SCAF8: variants seen among roughly 807,000 people sequenced by gnomAD.
SCAF8 encodes SR-related CTD associated factor 8, also known as SR-related and CTD-associated factor 8.
In SCAF8, 23 loss-of-function variants were observed where a neutral mutation model predicts 140.5. The ratio of observed to expected loss-of-function variants is 0.16; its 90% CI spans 0.12 to 0.23. SCAF8 has a LOEUF of 0.23. Ranked by LOEUF, SCAF8 falls within the 10% of genes least tolerant of loss-of-function variation. The probability of loss-of-function intolerance (pLI) is 1.00; values close to 1 mark genes in which losing one functional copy is unlikely to be tolerated. For synonymous variants in SCAF8, 575 were observed against 528.9 expected, an observed-to-expected ratio of 1.09 and a Z score of -1.20; for missense variants, 1,397 against 1,555.7, an observed-to-expected ratio of 0.90 and a Z score of 1.72.
intron 15 of SCAF8, 32 bp downstream of exon 15, chr6:154,820,365 A>T: frequency 1.3e-6 from 2 of 1,568,910 alleles, no homozygotes; most frequent in Non-Finnish European, 1.7e-6. Context: ...TATTGTTAAA[A>T]AAAAGTATGC....
In SCAF8 at chr6:154,787,788, T is replaced by A. The variant is rs1777295271; in HGVS notation, c.160-73T>A. ...AATGTCTTTGTATTTACACAGGATT[T>A]TTGATGATTTTTGTCTATCAAGAAT... On this transcript the variant is annotated intron_variant, in intron 3 of 19. Coordinates refer to ENST00000367178, the MANE Select transcript of SCAF8 (RefSeq NM_014892.5). 1.7e-5 allele frequency: 21 copies of A among 1,263,706 alleles called. 1 individual carries two copies. The South Asian group carries it at 2.9e-4, about 17-fold the overall frequency. The allele number at this position is 1,263,706 out of a possible 1,614,324, so 78.3% of individuals were successfully genotyped here.
At chr6:154,828,957 A>G (rs573309146) in intron 18 of SCAF8, among the ~76,000 whole-genome samples, 10 of 152,298 alleles carry the variant, frequency 6.6e-5, no homozygotes, top group Admixed American at 4.6e-4. Context: ...GTTACTGCCA[A>G]CAAGGCTACC....
chr6:154,779,392 C>T (rs1242034697), intron 3 of SCAF8, among the ~76,000 whole-genome samples: 1 of 152,130 alleles, frequency 6.6e-6, no homozygotes, highest in African/African-American at 2.4e-5. Context: ...AGGAATTTAC[C>T]TAGAATTCTT....
Position 154,833,506 on chromosome 6 carries a change from T to C in SCAF8, c.*111T>C. 1 of 1,004,628 alleles carries C rather than the reference T, an allele frequency of 1.0e-6. No individual in the cohort carries two copies. Among genetic ancestry groups the C allele is most frequent in the Non-Finnish European group, 1.5e-6 (1 of 683,666 alleles). 62.2% of individuals were successfully genotyped at this position (1,004,628 alleles called of 1,614,324 possible). A position where few individuals can be genotyped will look rare whatever the true frequency, so the allele number is the denominator to read the frequency against. On this transcript the variant is annotated 3_prime_UTR_variant, in exon 20 of 20. Transcript: ENST00000367178. Reference sequence around the variant, plus strand: ...CTTTTGTCTGCCAGAATTAAGTTAATCTGATGTTCATGTTCACCTTTCTCT... The same window carrying C: ...CTTTTGTCTGCCAGAATTAAGTTAACCTGATGTTCATGTTCACCTTTCTCT...
intron 3 of SCAF8, among the ~76,000 whole-genome samples, chr6:154,785,712 A>G (rs1183421750): frequency 2.0e-5 from 3 of 152,232 alleles, no homozygotes; most frequent in Admixed American, 1.3e-4. Flanking sequence ...ATTGCAAAAT[A>G]TATGGTCCAA....
chr6:154,783,247 A>G (rs1226225596), intron 3 of SCAF8, among the ~76,000 whole-genome samples: 2 of 152,162 alleles, frequency 1.3e-5, no homozygotes, highest in Admixed American at 6.5e-5. Context: ...TTTTTGCATG[A>G]GTACTACAAG....
At chr6:154,739,238 T>C (rs1313786487) in intron 1 of SCAF8, among the ~76,000 whole-genome samples, 1 of 152,172 alleles carries the variant, frequency 6.6e-6, no homozygotes, top group Non-Finnish European at 1.5e-5. Flanking sequence ...ATGATCCTGC[T>C]GTGTTGACCT....
chr6:154,734,479 G>T (rs1778355653), intron 1 of SCAF8, among the ~76,000 whole-genome samples: 1 of 152,180 alleles, frequency 6.6e-6, no homozygotes, highest in Non-Finnish European at 1.5e-5. Flanking sequence ...TGAGCTAATT[G>T]GATGGTTGGT....
At chr6:154,766,940 G>C (rs1039452503) in intron 1 of SCAF8, among the ~76,000 whole-genome samples, 15 of 152,038 alleles carry the variant, frequency 9.9e-5, no homozygotes, top group African/African-American at 3.6e-4. Flanking sequence ...GAGCCTTAAA[G>C]GTCCTTATGA....
chr6:154,808,830 G>A, intron 11 of SCAF8, 32 bp downstream of exon 11: 1 of 1,392,540 alleles, frequency 7.2e-7, no homozygotes, highest in Non-Finnish European at 1.0e-6. Context: ...ATAGCCGTGT[G>A]TGAACTTTAA....
intron 1 of SCAF8, 67 bp from the exon 2 acceptor site, chr6:154,773,922 T>G: frequency 3.1e-6 from 3 of 968,802 alleles, no homozygotes; most frequent in East Asian, 2.4e-5. Context: ...AAAATGAACA[T>G]GTTTGGTAGT....
At chr6:154,820,040 C>A in intron 14 of SCAF8, 137 bp from the exon 15 acceptor site, 1 of 608,368 alleles carries the variant, frequency 1.6e-6, no homozygotes, top group Non-Finnish European at 2.6e-6. Context: ...GTTAGTTTTT[C>A]AGCTTTGCTT....
rs182749092 is a variant in SCAF8, at chr6:154,752,872, C to A, written c.30+18942C>A. ...GAGTAGCTGGGATTATAGGCACTTG[C>A]CACCATGCCCGGCCAGTATTTTAGA... On this transcript the variant is annotated intron_variant, in intron 1 of 19. Transcript: ENST00000367178. Among the ~76,000 whole-genome samples the A allele has an allele frequency of 2.9e-3, 445 of 152,256 alleles. 3 individuals carry two copies. The highest frequency in any genetic ancestry group is 0.01 in the African/African-American group (433 of 41,560).
chr6:154,752,895 A>T (rs1211807679), intron 1 of SCAF8, among the ~76,000 whole-genome samples: 1 of 152,158 alleles, frequency 6.6e-6, no homozygotes, highest in Non-Finnish European at 1.5e-5. Flanking sequence ...CCAGTATTTT[A>T]GACTAATATT....
At chr6:154,813,039 C>CAAA (rs35659449) in intron 12 of SCAF8, among the ~76,000 whole-genome samples, 1 of 138,620 alleles carries the variant, frequency 7.2e-6, no homozygotes, top group Non-Finnish European at 1.6e-5. Flanking sequence ...TCACTACCGC[C>CAAA]AAAAAAAAAA....
intron 2 of SCAF8, among the ~76,000 whole-genome samples, chr6:154,774,369 C>T (rs1776859734): frequency 6.6e-6 from 1 of 152,182 alleles, no homozygotes; most frequent in South Asian, 2.1e-4. Context: ...TCAAGTGATC[C>T]TCTTGCCTCA....
At chr6:154,784,440 CTT>C (rs1276641066) in intron 3 of SCAF8, among the ~76,000 whole-genome samples, 1 of 152,146 alleles carries the variant, frequency 6.6e-6, no homozygotes, top group Non-Finnish European at 1.5e-5. Context: ...ATTAGAGAAA[CTT>C]TTGCCTCTTG....
At chr6:154,767,528 TC>T (rs1451777199) in intron 1 of SCAF8, among the ~76,000 whole-genome samples, 8 of 109,976 alleles carry the variant, frequency 7.3e-5, no homozygotes, top group African/African-American at 1.1e-4. Flanking sequence ...GCTTCTGTTA[TC>T]TTTTTTTTTT....
At chr6:154,805,792 T>G (rs892399837) in intron 9 of SCAF8, among the ~76,000 whole-genome samples, 1 of 152,098 alleles carries the variant, frequency 6.6e-6, no homozygotes, top group African/African-American at 2.4e-5. Context: ...GAGAACAGGA[T>G]GGAGGGGGTT....
Sources: gnomAD v4.1 joint callset for allele counts (sites outside exome capture counted in the v4.1 genomes callset) on GRCh38, gnomAD v4.1.1 for gene constraint, MANE v1.5 for transcripts, NCBI Gene and HGNC (gene_info 2026-07-23, HGNC 2026-07-21) for gene names.